Variants in SMYD3 observed in about 807,000 individuals in gnomAD.
SMYD3 encodes the protein SET and MYND domain containing 3.
In SMYD3, 36 loss-of-function variants were observed where a neutral mutation model predicts 57.7. The ratio of observed to expected loss-of-function variants is 0.62; its 90% CI spans 0.48 to 0.82. The LOEUF is 0.82. Ranked by LOEUF, SMYD3 falls within the 40% of genes least tolerant of loss-of-function variation. The pLI is 0.00. For synonymous variants in SMYD3, 211 were observed against 195.0 expected, an observed-to-expected ratio of 1.08 and a Z score of -0.68; for missense variants, 515 against 538.8, an observed-to-expected ratio of 0.96 and a Z score of 0.44.
intron 5 of SMYD3, among the ~76,000 whole-genome samples, chr1:246,022,775 T>C (rs573577467): frequency 1.3e-4 from 20 of 152,320 alleles, no homozygotes; most frequent in African/African-American, 3.6e-4. Flanking sequence ...ATTGTTACAA[T>C]AAATCCCTTT....
intron 5 of SMYD3, among the ~76,000 whole-genome samples, chr1:246,072,320 T>C (rs1016340878): frequency 4.8e-5 from 7 of 145,270 alleles, no homozygotes; most frequent in Non-Finnish European, 1.1e-4. Flanking sequence ...ATTCGTGTGC[T>C]TTCCACTGTG....
At chr1:246,496,546 G>C (rs1055700065) in intron 1 of SMYD3, among the ~76,000 whole-genome samples, 5 of 152,066 alleles carry the variant, frequency 3.3e-5, no homozygotes, top group Non-Finnish European at 7.4e-5. Flanking sequence ...AATCAGTATT[G>C]GCCAGATGCG....
At chr1:245,894,111 G>T (rs1303200497) in intron 8 of SMYD3, among the ~76,000 whole-genome samples, 1 of 152,198 alleles carries the variant, frequency 6.6e-6, no homozygotes, top group Non-Finnish European at 1.5e-5. Flanking sequence ...GAACTTTTCT[G>T]TCTTACAAGG....
intron 5 of SMYD3, among the ~76,000 whole-genome samples, chr1:246,235,564 A>G (rs10924584): frequency 0.22 from 31,561 of 143,474 alleles, 3,989 homozygotes; most frequent in East Asian, 0.62. Context: ...ACAAAAAGAC[A>G]TGTATGGTGA....
At chr1:245,795,479 A>T (rs563960690) in intron 10 of SMYD3, among the ~76,000 whole-genome samples, 1 of 152,306 alleles carries the variant, frequency 6.6e-6, no homozygotes, top group South Asian at 2.1e-4. Context: ...CCTTTATCCG[A>T]GAGCCAGGTA....
chr1:246,275,320 CA>C lies in SMYD3; in HGVS notation c.531+51880del, dbSNP rs548131080. Reference sequence around the variant, plus strand: ...TTATAGTTTGCCTGCTCCTGGCCAACAACAAAGATATGGAGTCTGATGCCCA... The same window carrying C: ...TTATAGTTTGCCTGCTCCTGGCCAACACAAAGATATGGAGTCTGATGCCCA... On this transcript the variant is annotated intron_variant, in intron 5 of 11. Transcript: ENST00000490107. Among the ~76,000 whole-genome samples, 508 of 152,336 alleles carry C rather than the reference CA, an allele frequency of 3.3e-3. 1 individual carries two copies. Among genetic ancestry groups the C allele is most frequent in the Non-Finnish European group, 4.4e-3 (299 of 68,042 alleles).
At chr1:246,066,987 T>C (rs2787974) in intron 5 of SMYD3, among the ~76,000 whole-genome samples, 117,626 of 152,178 alleles carry the variant, frequency 0.77, 46,523 homozygotes, top group Admixed American at 0.86. Context: ...TTTATCTCAG[T>C]AGGAACAGTC....
intron 5 of SMYD3, among the ~76,000 whole-genome samples, chr1:246,321,325 A>G (rs2148650944): frequency 6.6e-6 from 1 of 152,376 alleles, no homozygotes; most frequent in South Asian, 2.1e-4. Flanking sequence ...GTAGAAATTA[A>G]TAATATGTGT....
chr1:245,984,423 G>A (rs1003886859), intron 5 of SMYD3, among the ~76,000 whole-genome samples: 1 of 152,150 alleles, frequency 6.6e-6, no homozygotes, highest in Non-Finnish European at 1.5e-5. Context: ...TTGTGCCTGC[G>A]CCCGCAGAAG....
chr1:246,125,325 G>A (rs1242066827), intron 5 of SMYD3, among the ~76,000 whole-genome samples: 2 of 152,070 alleles, frequency 1.3e-5, no homozygotes. Context: ...AATTTTATCT[G>A]AAGAATATGC....
chr1:246,033,216 T>TAA (rs369941936), intron 5 of SMYD3, among the ~76,000 whole-genome samples: 1 of 145,752 alleles, frequency 6.9e-6, no homozygotes, highest in Admixed American at 6.8e-5. Context: ...TAATTGGTAA[T>TAA]AAAAAAAAAA....
chr1:246,361,521 T>C (rs141804406), intron 1 of SMYD3, among the ~76,000 whole-genome samples: 3,522 of 152,244 alleles, frequency 0.023, 135 homozygotes, highest in African/African-American at 0.08. Context: ...CAATTTGCAA[T>C]TGCAAAAATA....
intron 5 of SMYD3, chr1:245,930,165 A>G (rs79998480): frequency 5.9e-6 from 1 of 169,506 alleles, no homozygotes; most frequent in Non-Finnish European, 1.2e-5. Context: ...TCCTGGGAGA[A>G]AAAAAAAAAA....
intron 10 of SMYD3, among the ~76,000 whole-genome samples, chr1:245,764,457 C>T (rs766459609): frequency 5.3e-5 from 7 of 132,488 alleles, no homozygotes; most frequent in South Asian, 2.6e-4. Context: ...AGGGGTGGGG[C>T]GGGGAGAACA....
rs576363296 is a variant in SMYD3 at position 246,333,454 on chromosome 1, GTAAA to G, written c.336+1909_336+1912del. Among the ~76,000 whole-genome samples, 6 of 152,326 alleles carry G rather than the reference GTAAA, an allele frequency of 3.9e-5. No homozygotes were observed. The South Asian group carries it at 1.2e-3, about 32-fold the overall frequency. On this transcript the variant is annotated intron_variant, in intron 3 of 11. Transcript: ENST00000490107. Reference sequence around the variant, plus strand: ...CACAGCAAAAGAAACCTGCAATGGAGTAAATAGACAACTTACAGAATCGAAGAAA... The same window carrying G: ...CACAGCAAAAGAAACCTGCAATGGAGTAGACAACTTACAGAATCGAAGAAA...
chr1:246,077,935 T>C (rs1306937914), intron 5 of SMYD3, among the ~76,000 whole-genome samples: 1 of 152,168 alleles, frequency 6.6e-6, no homozygotes, highest in Admixed American at 6.5e-5. Context: ...TCTTCCTTTC[T>C]TTAGACTTTC....
intron 5 of SMYD3, among the ~76,000 whole-genome samples, chr1:246,025,327 A>C (rs552409921): frequency 1.3e-5 from 2 of 152,284 alleles, no homozygotes; most frequent in African/African-American, 4.8e-5. Flanking sequence ...AGCATCTAGG[A>C]AGGAAGATAC....
chr1:246,467,114 G>A (rs1159265687), intron 1 of SMYD3, among the ~76,000 whole-genome samples: 1 of 152,042 alleles, frequency 6.6e-6, no homozygotes, highest in Admixed American at 6.5e-5. Context: ...AGGTTGGAGT[G>A]GGCTGAGATC....
Position 246,224,435 on chromosome 1 carries a change from A to G in SMYD3, c.531+102766T>C, listed in dbSNP as rs145246407. Among the ~76,000 whole-genome samples, 258 of 152,250 alleles carry G rather than the reference A, an allele frequency of 1.7e-3. 5 individuals carry two copies. Among genetic ancestry groups the G allele is most frequent in the African/African-American group, 5.5e-3 (230 of 41,502 alleles). ...AGGTGTGGTCAAGGGGATGTATCCA[A>G]AGTATAGCAATACATCAGAGAGGAA... On this transcript the variant is annotated intron_variant, in intron 5 of 11. Transcript: ENST00000490107.
Sources: gnomAD v4.1 joint callset for allele counts (sites outside exome capture counted in the v4.1 genomes callset) on GRCh38, gnomAD v4.1.1 for gene constraint, MANE v1.5 for transcripts, NCBI Gene and HGNC (gene_info 2026-07-23, HGNC 2026-07-21) for gene names.